Variants in GABRA4 observed in about 807,000 individuals in gnomAD.
GABRA4 encodes the protein gamma-aminobutyric acid type A receptor subunit alpha4, also known as gamma-aminobutyric acid receptor subunit alpha-4.
GABRA4 carries 12 observed loss-of-function variants against 49.7 expected under a neutral mutation model. That is an observed-to-expected ratio of 0.24 (90% CI 0.15 to 0.39). GABRA4 has a LOEUF of 0.39. GABRA4 is among the 10% of genes least tolerant of loss of function. The probability of loss-of-function intolerance (pLI) is 1.00; values close to 1 mark genes in which losing one functional copy is unlikely to be tolerated. For synonymous variants in GABRA4, 288 were observed against 240.2 expected, an observed-to-expected ratio of 1.20 and a Z score of -1.84; for missense variants, 506 against 686.0, an observed-to-expected ratio of 0.74 and a Z score of 2.93.
chr4:46,976,988 AT>A (rs143656886), intron 5 of GABRA4, 72 bp downstream of exon 5: 1 of 853,186 alleles, frequency 1.2e-6, no homozygotes, highest in East Asian at 2.7e-5. Flanking sequence ...ATTATGAAAA[AT>A]AAAATACATG....
At chr4:46,986,227 C>A (rs1325403494) in intron 2 of GABRA4, among the ~76,000 whole-genome samples, 1 of 151,946 alleles carries the variant, frequency 6.6e-6, no homozygotes, top group African/African-American at 2.4e-5. Context: ...ATCGCAATTT[C>A]TCTGCTTCCA....
intron 8 of GABRA4, among the ~76,000 whole-genome samples, chr4:46,962,564 A>G (rs924162427): frequency 6.6e-6 from 1 of 151,906 alleles, no homozygotes; most frequent in Non-Finnish European, 1.5e-5. Context: ...TGCAATCACT[A>G]TCAAAATACC....
intron 2 of GABRA4, among the ~76,000 whole-genome samples, chr4:46,992,340 T>C (rs1396710793): frequency 6.6e-6 from 1 of 151,892 alleles, no homozygotes; most frequent in Non-Finnish European, 1.5e-5. Context: ...AAGGACTGGG[T>C]TCTCTAGCAG....
At position 46,925,385 on chromosome 4, in the gene GABRA4, G is replaced by A. The variant is rs2109931092; in HGVS notation, c.*2840C>T. On this transcript the variant is annotated 3_prime_UTR_variant, in exon 9 of 9. Coordinates refer to ENST00000264318, the MANE Select transcript of GABRA4 (RefSeq NM_000809.4). ...ATGTTTATACCTAGTCATGCCTGGA[G>A]GAAATTGAAAGTAATTATGTAGCAG... 6.6e-6 allele frequency: 1 copy of A among 151,990 alleles called. No individual in the cohort carries two copies. Among genetic ancestry groups the A allele is most frequent in the Middle Eastern group, 3.4e-3 (1 of 292 alleles). The allele number at this position is 151,990 out of a possible 1,614,324, so 9.4% of individuals were successfully genotyped here. A position where few individuals can be genotyped will look rare whatever the true frequency, so the allele number is the denominator to read the frequency against.
intron 8 of GABRA4, among the ~76,000 whole-genome samples, chr4:46,946,544 T>G (rs980329786): frequency 1.2e-4 from 18 of 152,072 alleles, no homozygotes; most frequent in Non-Finnish European, 2.4e-4. Context: ...CCCAATATAA[T>G]AGGGACTCCA....
Position 46,934,681 on chromosome 4 carries a change from ATATATT to A in GABRA4, c.1135-5932_1135-5927del, listed in dbSNP as rs1486661674. On this transcript the variant is annotated intron_variant, in intron 8 of 8. Transcript: ENST00000264318. ...TAAAGAATCCATTCATTTTCCCTTTATATATTTAGAGTTGAGGGTTTAAAACATTAG... is the reference window on the plus strand; with the variant it reads ...TAAAGAATCCATTCATTTTCCCTTTATAGAGTTGAGGGTTTAAAACATTAG... Among the ~76,000 whole-genome samples the A allele has an allele frequency of 2.6e-5, 4 of 152,298 alleles. No homozygotes were observed. The East Asian group carries it at 5.8e-4, about 22-fold the overall frequency.
intron 8 of GABRA4, among the ~76,000 whole-genome samples, chr4:46,932,864 C>T (rs1721488031): frequency 6.6e-6 from 1 of 152,072 alleles, no homozygotes; most frequent in Non-Finnish European, 1.5e-5. Context: ...AACAATTGAA[C>T]CAATCTTGGA....
At chr4:46,970,017 A>G (rs1268883922) in intron 7 of GABRA4, among the ~76,000 whole-genome samples, 1 of 150,976 alleles carries the variant, frequency 6.6e-6, no homozygotes. Context: ...TATTTTTTTA[A>G]TGCATCCTCA....
intron 3 of GABRA4, among the ~76,000 whole-genome samples, chr4:46,978,590 G>A (rs965945134): frequency 2.0e-5 from 3 of 146,910 alleles, no homozygotes; most frequent in African/African-American, 7.6e-5. Flanking sequence ...GGGAGGTTGA[G>A]GCAAGAGAAT....
intron 8 of GABRA4, among the ~76,000 whole-genome samples, chr4:46,947,389 G>T (rs1722018364): frequency 1.3e-5 from 2 of 151,928 alleles, no homozygotes; most frequent in South Asian, 4.2e-4. Flanking sequence ...AATGCATCCT[G>T]AATTCTGTCT....
intron 7 of GABRA4, among the ~76,000 whole-genome samples, chr4:46,967,255 T>C (rs1722795829): frequency 6.6e-6 from 1 of 151,394 alleles, no homozygotes; most frequent in African/African-American, 2.4e-5. Context: ...ATAATACTAC[T>C]CAGTACTCAG....
At chr4:46,940,623 A>C (rs1325963208) in intron 8 of GABRA4, among the ~76,000 whole-genome samples, 1 of 152,078 alleles carries the variant, frequency 6.6e-6, no homozygotes, top group African/African-American at 2.4e-5. Flanking sequence ...GATTCATTAC[A>C]AATCTACTCC....
chr4:46,931,956 G>A (rs930481246), intron 8 of GABRA4, among the ~76,000 whole-genome samples: 5 of 152,112 alleles, frequency 3.3e-5, no homozygotes, highest in African/African-American at 1.2e-4. Context: ...AGATTTGGGA[G>A]CAAAAATAAA....
intron 8 of GABRA4, among the ~76,000 whole-genome samples, chr4:46,958,085 A>G (rs1455569412): frequency 6.6e-6 from 1 of 151,990 alleles, no homozygotes; most frequent in Non-Finnish European, 1.5e-5. Flanking sequence ...TATTCTTAAT[A>G]GAGATATTAA....
intron 8 of GABRA4, among the ~76,000 whole-genome samples, chr4:46,955,917 C>G (rs191755342): frequency 1.8e-4 from 28 of 152,068 alleles, no homozygotes; most frequent in African/African-American, 6.0e-4. Flanking sequence ...GTCTTTGAAT[C>G]CTCAGTGCTT....
chr4:46,968,815 C>T (rs796136890), intron 7 of GABRA4, among the ~76,000 whole-genome samples: 5 of 151,564 alleles, frequency 3.3e-5, no homozygotes, highest in African/African-American at 9.6e-5. Context: ...ATGAACAGTA[C>T]CTGTCATGTT....
chr4:46,945,303 G>A (rs1167825826), intron 8 of GABRA4, among the ~76,000 whole-genome samples: 1 of 152,036 alleles, frequency 6.6e-6, no homozygotes, highest in Non-Finnish European at 1.5e-5. Flanking sequence ...CTACTGAGTT[G>A]GAAAGGGTCA....
rs1198629999 is a variant in GABRA4, at chr4:46,922,424, A to T, written c.*5801T>A. 3.9e-5 allele frequency: 6 copies of T among 152,110 alleles called. No homozygotes were observed. The highest frequency in any genetic ancestry group is 3.9e-4 in the Admixed American group (6 of 15,252). 9.4% of individuals were successfully genotyped at this position (152,110 alleles called of 1,614,324 possible). A position where few individuals can be genotyped will look rare whatever the true frequency, so the allele number is the denominator to read the frequency against. ...GTTCAGTAAATAGCTGGCTCTGCTCAGTGATTAATAGAAAGAAACCAGCCC... is the reference window on the plus strand; with the variant it reads ...GTTCAGTAAATAGCTGGCTCTGCTCTGTGATTAATAGAAAGAAACCAGCCC... On this transcript the variant is annotated 3_prime_UTR_variant, in exon 9 of 9. Transcript: ENST00000264318.
At chr4:46,974,865 G>A (rs1038099638) in intron 5 of GABRA4, among the ~76,000 whole-genome samples, 1 of 151,846 alleles carries the variant, frequency 6.6e-6, no homozygotes, top group East Asian at 1.9e-4. Context: ...GCTCCCCTGG[G>A]GTCACCTGTT....
Sources: allele counts gnomAD v4.1 joint callset (sites outside exome capture counted in the v4.1 genomes callset), GRCh38; gene constraint gnomAD v4.1.1; transcripts MANE v1.5; gene names NCBI Gene and HGNC (gene_info 2026-07-23, HGNC 2026-07-21).